SPTLC1: variants seen among roughly 807,000 people sequenced by gnomAD.
SPTLC1 encodes serine palmitoyltransferase 1.
In SPTLC1, 55 loss-of-function variants were observed where a neutral mutation model predicts 68.9. That is an observed-to-expected ratio of 0.80 (90% CI 0.64 to 1.00). SPTLC1 has a LOEUF of 1.00. SPTLC1 is among the 50% of genes least tolerant of loss of function. The pLI, the probability that SPTLC1 is intolerant of heterozygous loss-of-function variation, is 0.00. For missense variants in SPTLC1, 449 were observed against 573.1 expected, an observed-to-expected ratio of 0.78 and a Z score of 2.21; for synonymous variants, 197 against 201.6, an observed-to-expected ratio of 0.98 and a Z score of 0.19.
At chr9:92,083,200 C>T (rs1286921244) in intron 3 of SPTLC1, among the ~76,000 whole-genome samples, 3 of 152,100 alleles carry the variant, frequency 2.0e-5, no homozygotes, top group East Asian at 3.9e-4. Flanking sequence ...TGCCTCTTCA[C>T]TCTGATGGTA....
At chr9:92,083,252 C>T (rs1199663904) in intron 3 of SPTLC1, among the ~76,000 whole-genome samples, 2 of 152,054 alleles carry the variant, frequency 1.3e-5, no homozygotes, top group African/African-American at 4.8e-5. Context: ...TAATTAGATC[C>T]CATTTGTCAA....
chr9:92,078,700 C>A (rs1421216636), intron 5 of SPTLC1, among the ~76,000 whole-genome samples: 1 of 152,226 alleles, frequency 6.6e-6, no homozygotes, highest in African/African-American at 2.4e-5. Context: ...AGCAATCTTC[C>A]CTTCTTGGCC....
chr9:92,041,855 G>A (rs932451446), intron 12 of SPTLC1, among the ~76,000 whole-genome samples: 1 of 152,114 alleles, frequency 6.6e-6, no homozygotes, highest in Non-Finnish European at 1.5e-5. Flanking sequence ...ACAAATTTAT[G>A]ATTTACCTTA....
At position 92,081,404 on chromosome 9, in the gene SPTLC1, T is replaced by C. The variant is rs559144399; in HGVS notation, c.261-441A>G. 3.2e-4 allele frequency among the ~76,000 whole-genome samples: 49 copies of C among 152,302 alleles called. No homozygotes were observed. In the East Asian group the frequency reaches 8.1e-3, roughly 25 times the overall value. ...TTAAACGGCTTAAAAAGAAATGTCA[T>C]GTATAGGAAGCCACTAAAGAGTAAG... On this transcript the variant is annotated intron_variant, in intron 3 of 14. Transcript: ENST00000262554.
intron 12 of SPTLC1, among the ~76,000 whole-genome samples, chr9:92,045,264 G>C (rs1833468126): frequency 6.6e-6 from 1 of 151,310 alleles, no homozygotes; most frequent in Admixed American, 6.6e-5. Flanking sequence ...TTAACCTTAG[G>C]AAAGGCAAAA....
intron 12 of SPTLC1, among the ~76,000 whole-genome samples, chr9:92,040,241 A>G (rs7021293): frequency 0.24 from 35,651 of 151,472 alleles, 7,380 homozygotes; most frequent in African/African-American, 0.56. Context: ...GTGGTGGTGG[A>G]CACCTATAAT....
intron 3 of SPTLC1, among the ~76,000 whole-genome samples, chr9:92,105,602 G>A (rs1564118402): frequency 6.7e-6 from 1 of 148,610 alleles, no homozygotes; most frequent in Non-Finnish European, 1.5e-5. Flanking sequence ...CTGCCCAGCC[G>A]CCCCACCATC....
intron 3 of SPTLC1, among the ~76,000 whole-genome samples, chr9:92,085,033 G>C (rs2118708996): frequency 6.6e-6 from 1 of 151,812 alleles, no homozygotes; most frequent in African/African-American, 2.4e-5. Flanking sequence ...TTGCGTAGAG[G>C]TGTTTGTAGT....
chr9:92,063,047 T>C (rs1250995557), intron 6 of SPTLC1, among the ~76,000 whole-genome samples: 1 of 151,744 alleles, frequency 6.6e-6, no homozygotes, highest in African/African-American at 2.4e-5. Context: ...GAACTGACAA[T>C]AAAAATACAA....
At chr9:92,100,114 CAA>C (rs796865066) in intron 3 of SPTLC1, among the ~76,000 whole-genome samples, 2 of 94,984 alleles carry the variant, frequency 2.1e-5, no homozygotes, top group Non-Finnish European at 2.5e-5. Flanking sequence ...AGTTTCTTAA[CAA>C]AAAAAAAAAA....
chr9:92,075,350 T>G (rs543002326), intron 5 of SPTLC1, among the ~76,000 whole-genome samples: 1 of 152,296 alleles, frequency 6.6e-6, no homozygotes, highest in Non-Finnish European at 1.5e-5. Flanking sequence ...TTTGCCATCC[T>G]AACCAAACCA....
At chr9:92,095,302 A>T (rs1443011742) in intron 3 of SPTLC1, among the ~76,000 whole-genome samples, 1 of 152,176 alleles carries the variant, frequency 6.6e-6, no homozygotes, top group Non-Finnish European at 1.5e-5. Flanking sequence ...GGGACCATAG[A>T]TGACACAGAA....
At chr9:92,089,297 C>T (rs1465273683) in intron 3 of SPTLC1, among the ~76,000 whole-genome samples, 1 of 152,094 alleles carries the variant, frequency 6.6e-6, no homozygotes, top group Non-Finnish European at 1.5e-5. Context: ...CCTATAATAC[C>T]AGCTACTGGG....
intron 9 of SPTLC1, 75 bp from the exon 10 acceptor site, chr9:92,047,783 A>C: frequency 1.1e-6 from 1 of 934,328 alleles, no homozygotes; most frequent in Non-Finnish European, 1.7e-6. Flanking sequence ...CTAGAGACAA[A>C]ATTTAACAGC....
At chr9:92,035,024 A>C (rs1833097380) in intron 13 of SPTLC1, 141 bp from the exon 14 acceptor site, 6 of 768,048 alleles carry the variant, frequency 7.8e-6, no homozygotes, top group South Asian at 5.6e-5. Context: ...CCAAAATACT[A>C]CACCACCACC....
At position 92,031,340 on chromosome 9, in the gene SPTLC1, G is replaced by C. The variant is rs1166902323; in HGVS notation, c.*1125C>G. ...ATGTTGAAGACCATTTGAGTAATAA[G>C]CACAGGTTATAAAAATCACAATTTT... is the stretch of plus-strand genomic sequence containing the variant. On this transcript the variant is annotated 3_prime_UTR_variant, in exon 15 of 15. Coordinates refer to ENST00000262554, the MANE Select transcript of SPTLC1 (RefSeq NM_006415.4). 1 of 152,476 alleles carries C rather than the reference G, an allele frequency of 6.6e-6. No individual in the cohort carries two copies. Among genetic ancestry groups the C allele is most frequent in the East Asian group, 1.9e-4 (1 of 5,198 alleles). 9.4% of individuals were successfully genotyped at this position (152,476 alleles called of 1,614,324 possible). A position where few individuals can be genotyped will look rare whatever the true frequency, so the allele number is the denominator to read the frequency against.
chr9:92,051,261 A>C, intron 8 of SPTLC1: 2 of 984,938 alleles, frequency 2.0e-6, no homozygotes, highest in South Asian at 9.4e-5. Flanking sequence ...ATCCTTATTC[A>C]ATTAATAGAC....
At chr9:92,092,378 G>A (rs560553856) in intron 3 of SPTLC1, among the ~76,000 whole-genome samples, 6 of 151,842 alleles carry the variant, frequency 4.0e-5, no homozygotes, top group Non-Finnish European at 7.4e-5. Context: ...TTATGCTTTA[G>A]TCAAAGAAAA....
chr9:92,104,816 C>T, intron 3 of SPTLC1: 3 of 1,530,718 alleles, frequency 2.0e-6, no homozygotes, highest in Middle Eastern at 2.3e-4. Context: ...CAATCCCAGG[C>T]CCTTGGAGGG....
Sources: allele counts gnomAD v4.1 joint callset (sites outside exome capture counted in the v4.1 genomes callset), GRCh38; gene constraint gnomAD v4.1.1; transcripts MANE v1.5; gene names NCBI Gene and HGNC (gene_info 2026-07-23, HGNC 2026-07-21).